The following SETX variants were observed in gnomAD, a reference collection of about 807,000 sequenced individuals.
SETX encodes the protein senataxin, also known as helicase senataxin.
SETX carries 90 observed loss-of-function variants against 227.2 expected under a neutral mutation model. The observed-to-expected ratio is 0.40, with a 90% CI of 0.33 to 0.47. SETX has a LOEUF of 0.47. Ranked by LOEUF, SETX falls within the 20% of genes least tolerant of loss-of-function variation. The probability of loss-of-function intolerance (pLI) is 0.91; values close to 1 mark genes in which losing one functional copy is unlikely to be tolerated. For missense variants in SETX, 3,052 were observed against 3,181.5 expected (o/e 0.96, Z 0.98); for synonymous variants, 1,210 against 1,113.2 (o/e 1.09, Z -1.73).
intron 21 of SETX, 51 bp from the exon 22 acceptor site, chr9:132,277,203 A>G: frequency 2.6e-6 from 4 of 1,540,626 alleles, no homozygotes; most frequent in Non-Finnish European, 8.9e-7. Context: ...AAGATTTAAG[A>G]AAATATCTTG....
In SETX at chr9:132,346,317, C is replaced by T. The variant is rs1848285282; in HGVS notation, c.332G>A (p.Arg111Gln). ...ITGQDFENKL[R>Q]VPLLEILKYP... is the part of the protein sequence containing the mutation. The stretch of plus-strand genomic sequence containing the variant: ...TTTCAGTATTTCAAGAAGAGGAACT[C>T]GAAGCTTATTTTCAAAGTCTTGCCC... The change falls in exon 4 of 26, where the codon CGA (arginine) becomes CAA (glutamine). Residue 111 changes from arginine (R) to glutamine (Q), a missense_variant. Physicochemically the swap from Arg to Gln is conservative, Grantham distance 43. Transcript: ENST00000224140. 1.2e-6 allele frequency: 2 copies of T among 1,613,986 alleles called. No homozygotes were observed. Among genetic ancestry groups the T allele is most frequent in the Non-Finnish European group, 1.7e-6 (2 of 1,179,980 alleles).
At chr9:132,345,030 C>G (rs1489568765) in intron 4 of SETX, among the ~76,000 whole-genome samples, 1 of 152,096 alleles carries the variant, frequency 6.6e-6, no homozygotes, top group African/African-American at 2.4e-5. Context: ...TACAGAATAG[C>G]ATTTCCCAAC....
In SETX at chr9:132,275,270, C is replaced by T. The variant is rs1843101314; in HGVS notation, c.7086G>A (p.Glu2362=). 6.2e-7 allele frequency: 1 copy of T among 1,614,122 alleles called. No individual in the cohort carries two copies. ...KTMIQKDLDK[E]FDRKGPAEVD... is the part of the protein sequence containing the mutation. ...AAATGCCTCACCCTTTTCTATCGAA[C>T]TCTTTGTCCAAATCCTTCTGAATCA... is the stretch of plus-strand genomic sequence containing the variant. Residue 2362 remains glutamate (E), a synonymous_variant, in exon 23 of 26, where the codon GAG becomes GAA. Transcript: ENST00000224140.
intron 10 of SETX, among the ~76,000 whole-genome samples, chr9:132,320,893 G>A (rs1416480516): frequency 6.6e-6 from 1 of 151,754 alleles, no homozygotes; most frequent in Non-Finnish European, 1.5e-5. Context: ...AACTAACTCA[G>A]CAAGCCCAAG....
intron 7 of SETX, 88 bp downstream of exon 7, chr9:132,334,520 A>T: frequency 6.9e-7 from 1 of 1,448,924 alleles, no homozygotes; most frequent in Middle Eastern, 1.8e-4. Context: ...TCTCCACAAC[A>T]TACACCAATT....
chr9:132,264,341 C>T lies in SETX; in HGVS notation c.7932G>A (p.Glu2644=), dbSNP rs1400251137. Residue 2644 remains glutamate, a synonymous_variant, in exon 26 of 26, where the codon GAG becomes GAA. Transcript: ENST00000224140. ...TGTGATGGGTCTCGGAACCACACTT[C>T]TCCTGCTCCCCTTCACTGAAAGCCC... The part of the protein sequence containing the change: ...EARAFSEGEQ[E]KCGSETHHTR... 1 of 1,614,056 alleles carries T rather than the reference C, an allele frequency of 6.2e-7. No individual in the cohort carries two copies. The highest frequency in any genetic ancestry group is 8.5e-7 in the Non-Finnish European group (1 of 1,180,034).
upstream of SETX, among the ~76,000 whole-genome samples, chr9:132,355,999 A>G (rs747112368): frequency 0.056 from 8,235 of 148,200 alleles, 380 homozygotes; most frequent in East Asian, 0.25. Flanking sequence ...GAAAAAAAAA[A>G]AAAAAAAAAA....
At position 132,277,038 on chromosome 9, in the gene SETX, C is replaced by G. The variant is rs530358932; in HGVS notation, c.6935+22G>C. ...TAACAATTCTGGGACTATCAGAGGACTGAGGCAAGAGGAAAACATACTCAT... is the reference window on the plus strand; with the variant it reads ...TAACAATTCTGGGACTATCAGAGGAGTGAGGCAAGAGGAAAACATACTCAT... On this transcript the variant is annotated intron_variant, in intron 22 of 25. Transcript: ENST00000224140. 3 of 1,590,220 alleles carry G rather than the reference C, an allele frequency of 1.9e-6. No homozygotes were observed. The South Asian group carries it at 3.3e-5, about 18-fold the overall frequency.
chr9:132,328,880 T>C lies in SETX; in HGVS notation c.2718A>G (p.Ser906=). ...LIPFTEMTNA[S]EKKSSPFKDL... is the part of the protein sequence containing the mutation. Reference sequence around the variant, plus strand: ...CTTTAAAGGGAGATGATTTCTTCTCTGAAGCATTGGTCATTTCTGTAAAAG... The same window carrying C: ...CTTTAAAGGGAGATGATTTCTTCTCCGAAGCATTGGTCATTTCTGTAAAAG... Residue 906 remains serine (S), a synonymous_variant, in exon 10 of 26, where the codon TCA becomes TCG. Coordinates refer to ENST00000224140, the MANE Select transcript of SETX (RefSeq NM_015046.7). 6.2e-7 allele frequency: 1 copy of C among 1,614,062 alleles called. No homozygotes were observed. The highest frequency in any genetic ancestry group is 8.5e-7 in the Non-Finnish European group (1 of 1,179,972).
At position 132,262,428 on chromosome 9, in the gene SETX, T is replaced by C. The variant is rs1193316736; in HGVS notation, c.*1811A>G. On this transcript the variant is annotated 3_prime_UTR_variant, in exon 26 of 26. Coordinates refer to ENST00000224140, the MANE Select transcript of SETX (RefSeq NM_015046.7). ...CATCAAGATAACAGGAAAGCAAACT[T>C]AAAGTAACGAGATTTCTTCCCAAAG... 2 of 152,136 alleles carry C rather than the reference T, an allele frequency of 1.3e-5. No individual in the cohort carries two copies. Among genetic ancestry groups the C allele is most frequent in the Non-Finnish European group, 2.9e-5 (2 of 68,054 alleles). The allele number at this position is 152,136 out of a possible 1,614,324, so 9.4% of individuals were successfully genotyped here.
intron 7 of SETX, among the ~76,000 whole-genome samples, chr9:132,333,672 A>AT (rs1847411656): frequency 6.6e-6 from 1 of 152,118 alleles, no homozygotes; most frequent in East Asian, 1.9e-4. Flanking sequence ...CATGATTAGC[A>AT]TGATACAAGC....
Position 132,277,094 on chromosome 9 carries a change from C to G in SETX, c.6901G>C (p.Asp2301His). Residue 2301 changes from aspartate (D) to histidine (H), a missense_variant, in exon 22 of 26, where the codon GAT (aspartate) becomes CAT (histidine). This residue lies in a region of SETX where 412 missense variants were observed against 589.0 expected (regional missense o/e 0.70). Coordinates refer to ENST00000224140, the MANE Select transcript of SETX (RefSeq NM_015046.7). ...DWPFQPYLVF[D>H]VGDGSERRDN... The stretch of plus-strand genomic sequence containing the variant: ...CGTCTTTCTGAACCATCTCCAACAT[C>G]AAACACAAGGTATGGCTGAAATGGC... 1 of 1,613,752 alleles carries G rather than the reference C, an allele frequency of 6.2e-7. No homozygotes were observed. The highest frequency in any genetic ancestry group is 1.1e-5 in the South Asian group (1 of 91,078).
At position 132,329,012 on chromosome 9, in the gene SETX, T is replaced by G; in HGVS notation, c.2586A>C (p.Val862=). The G allele has an allele frequency of 6.2e-7, 1 of 1,607,162 alleles. No individual in the cohort carries two copies. Among genetic ancestry groups the G allele is most frequent in the Non-Finnish European group, 8.5e-7 (1 of 1,177,440 alleles). ...KNGEQKSQNN[V]LPKEKQLKNE... Reference sequence around the variant, plus strand: ...TCTTTAATTGTTTCTCTTTTGGCAATACATTGTTTTGAGATTTTTGTTCTC... The same window carrying G: ...TCTTTAATTGTTTCTCTTTTGGCAAGACATTGTTTTGAGATTTTTGTTCTC... Residue 862 remains valine (V), a synonymous_variant, in exon 10 of 26, where the codon GTA becomes GTC. Coordinates refer to ENST00000224140, the MANE Select transcript of SETX (RefSeq NM_015046.7).
At chr9:132,321,188 T>G (rs367906441) in intron 10 of SETX, among the ~76,000 whole-genome samples, 2 of 152,174 alleles carry the variant, frequency 1.3e-5, no homozygotes, top group South Asian at 2.1e-4. Context: ...GACGATTCTT[T>G]TTTGGGAACT....
At chr9:132,267,756 G>A (rs989652150) in intron 25 of SETX, among the ~76,000 whole-genome samples, 1 of 152,192 alleles carries the variant, frequency 6.6e-6, no homozygotes, top group African/African-American at 2.4e-5. Context: ...TGTCTAAACG[G>A]AATGTGAAAA....
intron 15 of SETX, among the ~76,000 whole-genome samples, chr9:132,293,121 A>G (rs1844440963): frequency 6.6e-6 from 1 of 152,256 alleles, no homozygotes; most frequent in Admixed American, 6.5e-5. Flanking sequence ...CCTAAGAATC[A>G]AAGATATTTT....
chr9:132,328,301 A>T lies in SETX; in HGVS notation c.3297T>A (p.Asp1099Glu), dbSNP rs777404209. ...VFSVWQDHPD[D>E]NNSVQDGEKK... is the part of the protein sequence containing the mutation. ...TCTCACCATCTTGAACTGAATTATT[A>T]TCGTCTGGATGATCTTGCCAAACTG... is the stretch of plus-strand genomic sequence containing the variant. The change falls in exon 10 of 26, where the codon GAT (aspartate) becomes GAA (glutamate). Residue 1099 changes from aspartate to glutamate, a missense_variant. By Grantham distance (45) the Asp-to-Glu change is conservative. This residue lies in a region of SETX where 1,483 missense variants were observed against 1,312.0 expected (regional missense o/e 1.13). Transcript: ENST00000224140. The T allele has an allele frequency of 6.2e-7, 1 of 1,614,074 alleles. No individual in the cohort carries two copies. The highest frequency in any genetic ancestry group is 8.5e-7 in the Non-Finnish European group (1 of 1,180,024).
chr9:132,297,537 GCTC>G (rs1022808832), intron 13 of SETX, among the ~76,000 whole-genome samples: 2 of 152,166 alleles, frequency 1.3e-5, no homozygotes, highest in Non-Finnish European at 2.9e-5. Context: ...AGGCCACTAC[GCTC>G]CTAACCCAAG....
At chr9:132,307,677 GA>G (rs1845411656) in intron 11 of SETX, among the ~76,000 whole-genome samples, 1 of 142,422 alleles carries the variant, frequency 7.0e-6, no homozygotes. Context: ...ACTTACTAGT[GA>G]TTTTTTTTTT....
Sources: allele counts gnomAD v4.1 joint callset (sites outside exome capture counted in the v4.1 genomes callset), GRCh38; gene constraint gnomAD v4.1.1; regional missense constraint gnomAD v4.1.1; transcripts MANE v1.5; gene names NCBI Gene and HGNC (gene_info 2026-07-23, HGNC 2026-07-21).